Variants in FAM227B observed in about 807,000 individuals in gnomAD.
FAM227B encodes family with sequence similarity 227 member B.
In FAM227B, 88 loss-of-function variants were observed where a neutral mutation model predicts 73.8. That is an observed-to-expected ratio of 1.19 (90% CI 1.00 to 1.42). The LOEUF is 1.42. Among genes scored for constraint, FAM227B ranks in the 40% most tolerant of loss-of-function variants. FAM227B has a pLI of 0.00. For missense variants in FAM227B, 632 were observed against 590.9 expected, an observed-to-expected ratio of 1.07 and a Z score of -0.72; for synonymous variants, 210 against 190.5, an observed-to-expected ratio of 1.10 and a Z score of -0.84.
At chr15:49,404,163 G>C (rs1488650700) in intron 11 of FAM227B, among the ~76,000 whole-genome samples, 1 of 152,124 alleles carries the variant, frequency 6.6e-6, no homozygotes, top group Non-Finnish European at 1.5e-5. Context: ...ATTTGCTGAG[G>C]AATGTTCTGT....
chr15:49,550,211 AC>A (rs1197140423), intron 9 of FAM227B, among the ~76,000 whole-genome samples: 1 of 112,622 alleles, frequency 8.9e-6, no homozygotes, highest in African/African-American at 3.5e-5. Flanking sequence ...CGGGGGGCTG[AC>A]CCCCCCACCT....
At chr15:49,418,352 A>C (rs1035998115) in intron 11 of FAM227B, among the ~76,000 whole-genome samples, 1 of 152,206 alleles carries the variant, frequency 6.6e-6, no homozygotes, top group African/African-American at 2.4e-5. Flanking sequence ...CCATAAAGAC[A>C]CATGCATGTG....
intron 13 of FAM227B, among the ~76,000 whole-genome samples, chr15:49,351,995 T>C (rs1240669258): frequency 1.3e-5 from 2 of 152,236 alleles, no homozygotes; most frequent in South Asian, 4.1e-4. Context: ...GCTAGGCTGT[T>C]CTAAGATGGA....
At chr15:49,355,607 C>CGTCT (rs2043019214) in intron 13 of FAM227B, among the ~76,000 whole-genome samples, 1 of 152,122 alleles carries the variant, frequency 6.6e-6, no homozygotes, top group Non-Finnish European at 1.5e-5. Context: ...ACCAAATCTA[C>CGTCT]GTCTGACTGG....
At chr15:49,441,477 C>T (rs1417092497) in intron 11 of FAM227B, among the ~76,000 whole-genome samples, 1 of 151,564 alleles carries the variant, frequency 6.6e-6, no homozygotes, top group Admixed American at 6.6e-5. Flanking sequence ...GGCCACAGTT[C>T]CAACAGGAGC....
chr15:49,341,250 T>C (rs2040689778), intron 13 of FAM227B, among the ~76,000 whole-genome samples: 1 of 152,182 alleles, frequency 6.6e-6, no homozygotes, highest in Admixed American at 6.5e-5. Flanking sequence ...CTATTTGGGC[T>C]GTTTTGGTTT....
intron 11 of FAM227B, chr15:49,423,030 C>A: frequency 4.3e-6 from 1 of 234,426 alleles, no homozygotes; most frequent in South Asian, 7.5e-5. Context: ...CTAACTGCTT[C>A]AGAACCAGAG....
chr15:49,403,418 T>A (rs926473025), intron 11 of FAM227B, among the ~76,000 whole-genome samples: 3 of 152,194 alleles, frequency 2.0e-5, no homozygotes, highest in African/African-American at 7.2e-5. Context: ...GGTAGGCTAT[T>A]TATTATCGCC....
At chr15:49,477,558 C>T (rs552516261) in intron 11 of FAM227B, among the ~76,000 whole-genome samples, 4 of 152,180 alleles carry the variant, frequency 2.6e-5, no homozygotes, top group African/African-American at 9.6e-5. Context: ...ATACGTGTAC[C>T]ATAGTTTGTT....
At chr15:49,618,913 T>C (rs984701576) in intron 1 of FAM227B, among the ~76,000 whole-genome samples, 1 of 152,198 alleles carries the variant, frequency 6.6e-6, no homozygotes, top group African/African-American at 2.4e-5. Context: ...CTCACCAATA[T>C]GTGTGTGTTT....
At chr15:49,366,732 G>A (rs2045271931) in intron 13 of FAM227B, 1 of 967,646 alleles carries the variant, frequency 1.0e-6, no homozygotes, top group East Asian at 2.6e-5. Flanking sequence ...CTCACTAGGT[G>A]GGGTAGGCTG....
intron 10 of FAM227B, among the ~76,000 whole-genome samples, chr15:49,511,296 G>T (rs976920845): frequency 6.6e-6 from 1 of 151,510 alleles, no homozygotes; most frequent in African/African-American, 2.4e-5. Context: ...CACATTAAAG[G>T]CCATAAATTA....
chr15:49,357,517 A>G (rs373096138), intron 13 of FAM227B, among the ~76,000 whole-genome samples: 1 of 151,996 alleles, frequency 6.6e-6, no homozygotes, highest in Middle Eastern at 3.2e-3. Flanking sequence ...CGACACATAC[A>G]CTCTCCCAAG....
At chr15:49,376,447 C>T (rs766474911) in intron 11 of FAM227B, among the ~76,000 whole-genome samples, 3 of 152,044 alleles carry the variant, frequency 2.0e-5, no homozygotes, top group Non-Finnish European at 4.4e-5. Context: ...AGATTTATTA[C>T]TGGACTCTCC....
chr15:49,369,046 C>T (rs1043375988), intron 12 of FAM227B, among the ~76,000 whole-genome samples: 3 of 152,196 alleles, frequency 2.0e-5, no homozygotes, highest in Admixed American at 2.0e-4. Context: ...GCAAGCTCTG[C>T]CTCCCGGGTT....
chr15:49,441,835 C>T (rs2051679658), intron 11 of FAM227B, among the ~76,000 whole-genome samples: 2 of 151,228 alleles, frequency 1.3e-5, no homozygotes, highest in South Asian at 2.1e-4. Context: ...AGTCACATGA[C>T]TAATTGCATA....
chr15:49,525,679 T>C lies in FAM227B; in HGVS notation c.874+16001A>G, dbSNP rs1343136446. Among the ~76,000 whole-genome samples the C allele has an allele frequency of 9.0e-4, 40 of 44,556 alleles. 1 individual carries two copies. The highest frequency in any genetic ancestry group is 2.5e-3 in the East Asian group (4 of 1,614). 29.2% of individuals were successfully genotyped at this position (44,556 alleles called of 152,430 possible). Reference sequence around the variant, plus strand: ...AAGGGTGGAGAAATATATATATATATATATATATATATATATATATATATA... The same window carrying C: ...AAGGGTGGAGAAATATATATATATACATATATATATATATATATATATATA... On this transcript the variant is annotated intron_variant, in intron 10 of 15. Coordinates refer to ENST00000299338, the MANE Select transcript of FAM227B (RefSeq NM_152647.3).
At chr15:49,572,179 A>T (rs961504635) in intron 8 of FAM227B, among the ~76,000 whole-genome samples, 6 of 151,956 alleles carry the variant, frequency 3.9e-5, no homozygotes, top group African/African-American at 1.4e-4. Context: ...AAATGCTACT[A>T]ATTTTTGAAT....
intron 11 of FAM227B, among the ~76,000 whole-genome samples, chr15:49,395,481 T>C (rs2047515705): frequency 6.6e-6 from 1 of 152,206 alleles, no homozygotes; most frequent in Non-Finnish European, 1.5e-5. Flanking sequence ...TTTCATCCCT[T>C]GAAAGCATCT....
Sources: gnomAD v4.1 joint callset for allele counts (sites outside exome capture counted in the v4.1 genomes callset) on GRCh38, gnomAD v4.1.1 for gene constraint, MANE v1.5 for transcripts, NCBI Gene and HGNC (gene_info 2026-07-23, HGNC 2026-07-21) for gene names.